RBM6: variants seen among roughly 807,000 people sequenced by gnomAD.
RBM6 encodes RNA binding motif protein 6, also known as RNA-binding protein 6.
In RBM6, 23 loss-of-function variants were observed where a neutral mutation model predicts 140.4. That is an observed-to-expected ratio of 0.16 (90% CI 0.12 to 0.23). The LOEUF (loss-of-function observed/expected upper bound fraction) is 0.23. Among genes scored for constraint, RBM6 ranks in the 10% least tolerant of loss-of-function variants. The pLI is 1.00. For missense variants in RBM6, 1,139 were observed against 1,386.7 expected (o/e 0.82, Z 2.84); for synonymous variants, 439 against 475.6 (o/e 0.92, Z 1.00).
intron 7 of RBM6, among the ~76,000 whole-genome samples, chr3:50,051,618 A>G (rs2089469919): frequency 6.6e-6 from 1 of 152,182 alleles, no homozygotes; most frequent in Admixed American, 6.5e-5. Context: ...TCCAGCCTGG[A>G]CATCAAGAGT....
rs567592478 is a variant in RBM6, at chr3:49,940,974, C to G, written c.-67+749C>G. On this transcript the variant is annotated intron_variant, in intron 1 of 20. Coordinates refer to ENST00000266022, the MANE Select transcript of RBM6 (RefSeq NM_005777.3). ...AGCGTAATTGTATTTTTTGCATATT[C>G]CAGGTTTGCTTGTGAAGGTCAGAGT... The G allele has an allele frequency of 3.0e-5, 4 of 133,402 alleles. No homozygotes were observed. In the Admixed American group the frequency reaches 3.4e-4, roughly 12 times the overall value. The allele number at this position is 133,402 out of a possible 1,614,324, so 8.3% of individuals were successfully genotyped here. A position where few individuals can be genotyped will look rare whatever the true frequency, so the allele number is the denominator to read the frequency against.
At chr3:50,043,995 C>G (rs1042978110) in intron 6 of RBM6, among the ~76,000 whole-genome samples, 2 of 151,792 alleles carry the variant, frequency 1.3e-5, no homozygotes, top group Non-Finnish European at 2.9e-5. Flanking sequence ...GCAATTCTGC[C>G]TCAGTCTTCC....
chr3:50,049,033 C>T (rs1370928608), intron 7 of RBM6, among the ~76,000 whole-genome samples: 1 of 151,680 alleles, frequency 6.6e-6, no homozygotes, highest in African/African-American at 2.4e-5. Flanking sequence ...GAACTCCGAC[C>T]TCAAGTGATC....
At chr3:50,059,838 GAT>G in intron 11 of RBM6, 92 bp downstream of exon 11, 2 of 998,048 alleles carry the variant, frequency 2.0e-6, no homozygotes, top group Admixed American at 4.9e-5. Context: ...AGTAAAGCAT[GAT>G]GTTTTCCTAA....
intron 20 of RBM6, 104 bp from the exon 21 acceptor site, chr3:50,076,904 C>T: frequency 8.4e-7 from 1 of 1,190,088 alleles, no homozygotes; most frequent in South Asian, 1.8e-5. Context: ...AAAAATTATC[C>T]TATATACTGC....
At chr3:49,996,315 G>A (rs1055025250) in intron 5 of RBM6, among the ~76,000 whole-genome samples, 1 of 152,190 alleles carries the variant, frequency 6.6e-6, no homozygotes, top group Admixed American at 6.5e-5. Context: ...TTGAAAGATG[G>A]TATGTTGTTC....
At chr3:50,024,006 A>C (rs2087657296) in intron 6 of RBM6, among the ~76,000 whole-genome samples, 1 of 152,222 alleles carries the variant, frequency 6.6e-6, no homozygotes, top group South Asian at 2.1e-4. Context: ...CAATGAAAGA[A>C]TCGTTTGTCG....
intron 1 of RBM6, among the ~76,000 whole-genome samples, chr3:49,945,881 C>CAAAAAAAAAAAA (rs67271820): frequency 8.1e-5 from 5 of 61,924 alleles, no homozygotes; most frequent in African/African-American, 1.2e-4. Context: ...GACTCCATCT[C>CAAAAAAAAAAAA]AAAAAAAAAA....
intron 9 of RBM6, 38 bp from the exon 10 acceptor site, chr3:50,058,364 C>T (rs762805877): frequency 3.8e-6 from 6 of 1,568,296 alleles, no homozygotes; most frequent in Non-Finnish European, 5.3e-6. Context: ...ATCTTTCTCT[C>T]CCTTGTGTTG....
chr3:50,028,812 A>G (rs1320381821), intron 6 of RBM6, among the ~76,000 whole-genome samples: 14 of 152,240 alleles, frequency 9.2e-5, no homozygotes, highest in Admixed American at 9.2e-4. Context: ...CACATATTGC[A>G]TAAAGTGGTT....
intron 6 of RBM6, among the ~76,000 whole-genome samples, chr3:50,021,189 T>TG (rs1222994854): frequency 6.6e-6 from 1 of 152,240 alleles, no homozygotes; most frequent in Non-Finnish European, 1.5e-5. Context: ...CTACAAATGT[T>TG]GATTAGATTG....
chr3:50,011,463 T>G (rs2086848017), intron 6 of RBM6, among the ~76,000 whole-genome samples: 1 of 152,212 alleles, frequency 6.6e-6, no homozygotes, highest in Non-Finnish European at 1.5e-5. Flanking sequence ...ATCCTTGGAC[T>G]AATTTTTAGG....
At chr3:49,953,392 G>A (rs2083827940) in intron 1 of RBM6, among the ~76,000 whole-genome samples, 1 of 151,662 alleles carries the variant, frequency 6.6e-6, no homozygotes, top group South Asian at 2.1e-4. Flanking sequence ...GCTAATTTTT[G>A]TATTCTGAGT....
intron 6 of RBM6, among the ~76,000 whole-genome samples, chr3:50,005,507 A>G (rs2086531768): frequency 6.6e-6 from 1 of 152,032 alleles, no homozygotes. Flanking sequence ...AAAAAAAAAA[A>G]AAAAGCAACA....
intron 3 of RBM6, 21 bp downstream of exon 3, chr3:49,968,769 G>GGT: frequency 1.9e-6 from 1 of 537,136 alleles, no homozygotes; most frequent in Non-Finnish European, 2.6e-6. Flanking sequence ...GGGGTGGATT[G>GGT]CTTTTTTTTT....
At chr3:50,037,954 T>G (rs1372982159) in intron 6 of RBM6, among the ~76,000 whole-genome samples, 1 of 152,002 alleles carries the variant, frequency 6.6e-6, no homozygotes, top group African/African-American at 2.4e-5. Context: ...CCTGAGTAGC[T>G]GGGATTACAG....
At chr3:49,969,033 A>G (rs907282130) in intron 3 of RBM6, among the ~76,000 whole-genome samples, 1 of 133,980 alleles carries the variant, frequency 7.5e-6, no homozygotes, top group African/African-American at 2.8e-5. Context: ...TTATTTATTT[A>G]TTTATTTTTG....
chr3:50,022,365 T>A (rs2087538150), intron 6 of RBM6, among the ~76,000 whole-genome samples: 3 of 151,844 alleles, frequency 2.0e-5, no homozygotes, highest in Non-Finnish European at 2.9e-5. Context: ...AGTTTCACCC[T>A]TGTTGCCCAG....
rs1246539039 is a variant in RBM6 at position 49,968,285 on chromosome 3, C to A, written c.860C>A (p.Pro287His). ...CMEFKDREMP[P>H]VDPNILDYIQ... is the part of the protein sequence containing the mutation. ...GAATTTAAAGATAGGGAGATGCCCC[C>A]TGTGGATCCAAATATTTTGGATTAC... Residue 287 changes from proline to histidine, a missense_variant, in exon 3 of 21, where the codon CCT becomes CAT. By Grantham distance (77) the Pro-to-His change is moderately conservative. This residue lies in a region of RBM6 where 566 missense variants were observed against 612.7 expected (regional missense o/e 0.92). Coordinates refer to ENST00000266022, the MANE Select transcript of RBM6 (RefSeq NM_005777.3). 1.2e-6 allele frequency: 2 copies of A among 1,614,104 alleles called. No individual in the cohort carries two copies. The highest frequency in any genetic ancestry group is 2.2e-5 in the South Asian group (2 of 91,082).
Sources: gnomAD v4.1 joint callset for allele counts (sites outside exome capture counted in the v4.1 genomes callset) on GRCh38, gnomAD v4.1.1 for gene constraint, gnomAD v4.1.1 regional missense constraint, MANE v1.5 for transcripts, NCBI Gene and HGNC (gene_info 2026-07-23, HGNC 2026-07-21) for gene names.